PLXNB1: variants seen among roughly 807,000 people sequenced by gnomAD.
The protein encoded by PLXNB1 is plexin B1, also known as plexin-B1.
In PLXNB1, 106 loss-of-function variants were observed where a neutral mutation model predicts 209.4. The observed-to-expected ratio is 0.51, with a 90% CI of 0.43 to 0.59. The LOEUF (loss-of-function observed/expected upper bound fraction) is 0.59, where lower values mean the gene tolerates loss of function less well. Ranked by LOEUF, PLXNB1 falls within the 20% of genes least tolerant of loss-of-function variation. The pLI, the probability that PLXNB1 is intolerant of heterozygous loss-of-function variation, is 0.00. For synonymous variants in PLXNB1, 1,167 were observed against 1,183.2 expected, an observed-to-expected ratio of 0.99 and a Z score of 0.28; for missense variants, 2,357 against 2,853.2, an observed-to-expected ratio of 0.83 and a Z score of 3.96.
chr3:48,409,074 G>A lies in PLXNB1; in HGVS notation c.6087+255C>T, dbSNP rs1223424976. Among the ~76,000 whole-genome samples, 1 of 152,200 alleles carries A rather than the reference G, an allele frequency of 6.6e-6. No homozygotes were observed. The highest frequency in any genetic ancestry group is 1.9e-4 in the East Asian group (1 of 5,198). On this transcript the variant is annotated intron_variant, in intron 34 of 37. Transcript: ENST00000296440. The surrounding 1 kb of genome is among the most constrained non-coding windows in gnomAD (Gnocchi z 5.8). ...CTGGCCCTGGCCTACTGCCACGCCTGGCCAGCATTCTATGCCCCAGCCACA... is the reference window on the plus strand; with the variant it reads ...CTGGCCCTGGCCTACTGCCACGCCTAGCCAGCATTCTATGCCCCAGCCACA...
rs771827169 is a variant in PLXNB1, at chr3:48,424,054, G to T, written c.558C>A (p.Thr186=). 6.3e-7 allele frequency: 1 copy of T among 1,589,122 alleles called. No individual in the cohort carries two copies. The highest frequency in any genetic ancestry group is 1.8e-5 in the Admixed American group (1 of 56,452). The part of the protein sequence containing the change: ...GVGGGIPPIT[T]RALWPPDPQA... Reference sequence around the variant, plus strand: ...GGGGGTCGGGCGGCCACAGGGCCCGGGTTGTGATGGGTGGAATGCCACCCC... The same window carrying T: ...GGGGGTCGGGCGGCCACAGGGCCCGTGTTGTGATGGGTGGAATGCCACCCC... Residue 186 remains threonine, a synonymous_variant, in exon 3 of 38, where the codon ACC becomes ACA. Coordinates refer to ENST00000296440, the MANE Select transcript of PLXNB1 (RefSeq NM_001130082.3).
At position 48,429,641 on chromosome 3, in the gene PLXNB1, G is replaced by C. The variant is rs956530157; in HGVS notation, c.-60+367C>G. 3.3e-5 allele frequency among the ~76,000 whole-genome samples: 5 copies of C among 151,878 alleles called. No individual in the cohort carries two copies. The highest frequency in any genetic ancestry group is 1.2e-4 in the African/African-American group (5 of 41,394). On this transcript the variant is annotated intron_variant, in intron 1 of 37. Transcript: ENST00000296440. This position sits in a 1 kb window ranked among gnomAD's most constrained non-coding sequence, Gnocchi z 6.4. The stretch of plus-strand genomic sequence containing the variant: ...CTGGGGACCCGACCCCTCCCGCACG[G>C]GGGAGGGCGGGGGCGGGCTGCACCG...
rs922450409 is a variant in PLXNB1, at chr3:48,420,699, G to A, written c.1994C>T (p.Ser665Leu). Residue 665 changes from serine (S) to leucine (L), a missense_variant, in exon 10 of 38, where the codon TCG (serine) becomes TTG (leucine). Ser to Leu is a moderately radical substitution (Grantham distance 145). Transcript: ENST00000296440. Reference sequence around the variant, plus strand: ...TGCAACCATGGGCCCAGCATCACACGAGGCCTTGTGGGTGCACAGGTGCTG... The same window carrying A: ...TGCAACCATGGGCCCAGCATCACACAAGGCCTTGTGGGTGCACAGGTGCTG... Reference protein sequence around the residue: ...VWQHLCTHKASCDAGPMVASH... With the variant: ...VWQHLCTHKALCDAGPMVASH... 10 of 1,613,938 alleles carry A rather than the reference G, an allele frequency of 6.2e-6. No homozygotes were observed. Among genetic ancestry groups the A allele is most frequent in the African/African-American group, 1.3e-5 (1 of 75,028 alleles).
chr3:48,411,065 G>T lies in PLXNB1; in HGVS notation c.5248-29C>A, dbSNP rs567287753. The T allele has an allele frequency of 7.5e-5, 119 of 1,591,726 alleles. 2 individuals carry two copies. The South Asian group carries it at 1.2e-3, about 16-fold the overall frequency. On this transcript the variant is annotated intron_variant, in intron 28 of 37. Coordinates refer to ENST00000296440, the MANE Select transcript of PLXNB1 (RefSeq NM_001130082.3). The surrounding 1 kb of genome is among the most constrained non-coding windows in gnomAD (Gnocchi z 4.0). ...TGCAGGACACACAGGAGCCATCAGG[G>T]TTCATGTGCACTCAGGATGACCAAG...
chr3:48,416,206 G>C lies in PLXNB1; in HGVS notation c.3481-39C>G. The C allele has an allele frequency of 1.3e-6, 2 of 1,564,886 alleles. No homozygotes were observed. Among genetic ancestry groups the C allele is most frequent in the South Asian group, 1.1e-5 (1 of 88,464 alleles). On this transcript the variant is annotated intron_variant, in intron 17 of 37. Transcript: ENST00000296440. This position sits in a 1 kb window ranked among gnomAD's most constrained non-coding sequence, Gnocchi z 4.1. ...AGGGAGAGAGATGAGCATCAGACCA[G>C]ACACATGGAGGCAGGGACAGCCTGA...
Position 48,418,189 on chromosome 3 carries a change from A to T in PLXNB1, c.3222+2T>A, listed in dbSNP as rs766257446. 3.1e-6 allele frequency: 5 copies of T among 1,610,278 alleles called. No homozygotes were observed. ...GAAGGGATGGCCAGCCTTTCAACAA[A>T]CCGAGTGGATGAGGGGCGCTGGGCA... On this transcript the variant is annotated splice_donor_variant, in intron 15 of 37. Transcript: ENST00000296440. LOFTEE classifies it high-confidence loss of function. This position sits in a 1 kb window ranked among gnomAD's most constrained non-coding sequence, Gnocchi z 6.6.
At chr3:48,428,072 C>T (rs1400944192) in intron 1 of PLXNB1, among the ~76,000 whole-genome samples, 7 of 152,118 alleles carry the variant, frequency 4.6e-5, no homozygotes, top group African/African-American at 1.4e-4. Flanking sequence ...TTCAGAGGCC[C>T]CAGCAACTTA....
chr3:48,405,671 T>G lies in PLXNB1; in HGVS notation c.6303+53A>C. 4 of 1,417,672 alleles carry G rather than the reference T, an allele frequency of 2.8e-6. No homozygotes were observed. Among genetic ancestry groups the G allele is most frequent in the Non-Finnish European group, 4.0e-6 (4 of 1,008,074 alleles). The allele number at this position is 1,417,672 out of a possible 1,614,324, so 87.8% of individuals were successfully genotyped here. On this transcript the variant is annotated intron_variant, in intron 37 of 37. Transcript: ENST00000296440. The surrounding 1 kb of genome is among the most constrained non-coding windows in gnomAD (Gnocchi z 5.0). ...AGTCACAGGGTCAGAGCCCCTTAAGTCTCCTGGGAGGCCTTGGGTCAGCCT... is the reference window on the plus strand; with the variant it reads ...AGTCACAGGGTCAGAGCCCCTTAAGGCTCCTGGGAGGCCTTGGGTCAGCCT...
chr3:48,409,750 A>C lies in PLXNB1; in HGVS notation c.5779-19T>G, dbSNP rs377505231. 3 of 1,611,250 alleles carry C rather than the reference A, an allele frequency of 1.9e-6. No individual in the cohort carries two copies. Among genetic ancestry groups the C allele is most frequent in the Non-Finnish European group, 1.7e-6 (2 of 1,178,786 alleles). The stretch of plus-strand genomic sequence containing the variant: ...GGGTGCCCTGTGGGAAGGAAGAAGC[A>C]GAGAGGTGTGGTCAGCAAAGGGCCC... On this transcript the variant is annotated intron_variant, in intron 32 of 37. Transcript: ENST00000296440. This position sits in a 1 kb window ranked among gnomAD's most constrained non-coding sequence, Gnocchi z 5.8.
At position 48,410,317 on chromosome 3, in the gene PLXNB1, G is replaced by A; in HGVS notation, c.5584C>T (p.Gln1862Ter). The A allele has an allele frequency of 6.2e-7, 1 of 1,612,364 alleles. No individual in the cohort carries two copies. The highest frequency in any genetic ancestry group is 2.2e-5 in the East Asian group (1 of 44,850). The change falls in exon 31 of 38, where the codon CAG (glutamine) becomes TAG (stop). Residue 1862 changes from glutamine to a stop codon, truncating the protein, a stop_gained. Coordinates refer to ENST00000296440, the MANE Select transcript of PLXNB1 (RefSeq NM_001130082.3). LOFTEE classifies it high-confidence loss of function. This position sits in a 1 kb window ranked among gnomAD's most constrained non-coding sequence, Gnocchi z 6.4. ...CLTKHVLREN[Q>*]DYVPGERTPM... is the part of the protein sequence containing the mutation. Reference sequence around the variant, plus strand: ...TCACGCTCTCCAGGGACATAATCCTGGTTTTCCCGGAGCACATGCTTGGTG... The same window carrying A: ...TCACGCTCTCCAGGGACATAATCCTAGTTTTCCCGGAGCACATGCTTGGTG...
chr3:48,420,076 C>T lies in PLXNB1; in HGVS notation c.2210G>A (p.Gly737Glu). 6.2e-7 allele frequency: 1 copy of T among 1,613,520 alleles called. No homozygotes were observed. The highest frequency in any genetic ancestry group is 8.5e-7 in the Non-Finnish European group (1 of 1,179,900). ...GASPSLLSPWGPWAGSGSISS... is the reference protein window; with the variant it reads ...GASPSLLSPWEPWAGSGSISS... The stretch of plus-strand genomic sequence containing the variant: ...TATGGAGCCAGAACCTGCCCATGGC[C>T]CCCAGGGGCTGAGCAGGGAAGGACT... Residue 737 changes from glycine to glutamate, a missense_variant, in exon 11 of 38, where the codon GGG becomes GAG. Transcript: ENST00000296440.
chr3:48,429,709 A>C lies in PLXNB1; in HGVS notation c.-60+299T>G, dbSNP rs1341318039. 6.6e-6 allele frequency among the ~76,000 whole-genome samples: 1 copy of C among 151,568 alleles called. No individual in the cohort carries two copies. The highest frequency in any genetic ancestry group is 2.0e-4 in the East Asian group (1 of 5,096). On this transcript the variant is annotated intron_variant, in intron 1 of 37. Transcript: ENST00000296440. The surrounding 1 kb of genome is among the most constrained non-coding windows in gnomAD (Gnocchi z 6.4). ...ACGCGGGTCGCCCGGAGGGGTGAGG[A>C]GTGAACCCCGGGAGCCAGAGCCGCC...
Position 48,422,207 on chromosome 3 carries a change from T to G in PLXNB1, c.1420-2A>C. The G allele has an allele frequency of 6.2e-7, 1 of 1,613,840 alleles. No individual in the cohort carries two copies. The highest frequency in any genetic ancestry group is 8.5e-7 in the Non-Finnish European group (1 of 1,179,790). On this transcript the variant is annotated splice_acceptor_variant, in intron 5 of 37. Coordinates refer to ENST00000296440, the MANE Select transcript of PLXNB1 (RefSeq NM_001130082.3). LOFTEE classifies it high-confidence loss of function. ...GGAAGCCACAGGAACCTTCAGAAGC[T>G]GAGACAGCAAAGAGGACCTGAGGCC...
rs1031305617 is a variant in PLXNB1, at chr3:48,417,671, G to C, written c.3374+240C>G. ...AGCAGAGCAGGAAGCAGAGCCACGA[G>C]TCAGTTCTGGGCAGTGACGGGCCCA... On this transcript the variant is annotated intron_variant, in intron 16 of 37. Transcript: ENST00000296440. The surrounding 1 kb of genome is among the most constrained non-coding windows in gnomAD (Gnocchi z 4.4). 8.5e-5 allele frequency among the ~76,000 whole-genome samples: 13 copies of C among 152,182 alleles called. No homozygotes were observed. The highest frequency in any genetic ancestry group is 2.9e-4 in the African/African-American group (12 of 41,444).
rs1441138333 is a variant in PLXNB1 at position 48,415,779 on chromosome 3, T to C, written c.3618-20A>G. 2.6e-6 allele frequency: 4 copies of C among 1,538,456 alleles called. No homozygotes were observed. The Admixed American group carries it at 7.9e-5, about 30-fold the overall frequency. On this transcript the variant is annotated intron_variant, in intron 18 of 37. Coordinates refer to ENST00000296440, the MANE Select transcript of PLXNB1 (RefSeq NM_001130082.3). The surrounding 1 kb of genome is among the most constrained non-coding windows in gnomAD (Gnocchi z 5.0). ...GGCAGCCTGGGAGGGGAGGTGGGAA[T>C]GAATGCAGGGGCGCAGGCAGGGAAA...
In PLXNB1 at chr3:48,405,598, C is replaced by T. The variant is rs915743355; in HGVS notation, c.6303+126G>A. ...ACACTTCTCAAGCCACCAAGGGGCC[C>T]GGCCCCCCACTACTCTGTCCCTGGG... is the stretch of plus-strand genomic sequence containing the variant. On this transcript the variant is annotated intron_variant, in intron 37 of 37. Transcript: ENST00000296440. The surrounding 1 kb of genome is among the most constrained non-coding windows in gnomAD (Gnocchi z 5.0). 10 of 710,396 alleles carry T rather than the reference C, an allele frequency of 1.4e-5. No homozygotes were observed. The highest frequency in any genetic ancestry group is 1.9e-5 in the Non-Finnish European group (8 of 425,130). 44.0% of individuals were successfully genotyped at this position (710,396 alleles called of 1,614,324 possible).
chr3:48,405,649 C>A lies in PLXNB1; in HGVS notation c.6303+75G>T. ...GAAGACCAAAGCCCCCAACGTGAGT[C>A]ACAGGGTCAGAGCCCCTTAAGTCTC... On this transcript the variant is annotated intron_variant, in intron 37 of 37. Coordinates refer to ENST00000296440, the MANE Select transcript of PLXNB1 (RefSeq NM_001130082.3). This position sits in a 1 kb window ranked among gnomAD's most constrained non-coding sequence, Gnocchi z 5.0. The A allele has an allele frequency of 8.4e-7, 1 of 1,190,566 alleles. No homozygotes were observed. The highest frequency in any genetic ancestry group is 1.3e-5 in the South Asian group (1 of 79,110). The allele number at this position is 1,190,566 out of a possible 1,614,324, so 73.8% of individuals were successfully genotyped here.
Position 48,415,292 on chromosome 3 carries a change from T to C in PLXNB1, c.3850A>G (p.Arg1284Gly), listed in dbSNP as rs776770702. ...GQNLDVVQTP[R>G]IRVTVVSRML... ...CTCGAGACCACGGTCACCCGGATTCTTGGCGTCTGTACCACGTCCAGATTC... is the reference window on the plus strand; with the variant it reads ...CTCGAGACCACGGTCACCCGGATTCCTGGCGTCTGTACCACGTCCAGATTC... Residue 1284 changes from arginine to glycine, a missense_variant, in exon 20 of 38, where the codon AGA becomes GGA. Transcript: ENST00000296440. The surrounding 1 kb of genome is among the most constrained non-coding windows in gnomAD (Gnocchi z 5.0). 9.5e-5 allele frequency: 154 copies of C among 1,613,482 alleles called. No individual in the cohort carries two copies. Among genetic ancestry groups the C allele is most frequent in the Non-Finnish European group, 1.3e-4 (151 of 1,180,014 alleles).
rs527297539 is a variant in PLXNB1 at position 48,409,225 on chromosome 3, C to T, written c.6087+104G>A. ...CTTGGCTTGGGAGGTCAGAGGTCTC[C>T]CCTAAGCCCTCCTTGAAGTTCTCAG... On this transcript the variant is annotated intron_variant, in intron 34 of 37. Coordinates refer to ENST00000296440, the MANE Select transcript of PLXNB1 (RefSeq NM_001130082.3). This position sits in a 1 kb window ranked among gnomAD's most constrained non-coding sequence, Gnocchi z 5.8. The T allele has an allele frequency of 6.4e-5, 89 of 1,384,118 alleles. No homozygotes were observed. The African/African-American group carries it at 1.1e-3, about 17-fold the overall frequency. 85.7% of individuals were successfully genotyped at this position (1,384,118 alleles called of 1,614,324 possible).
Sources: gnomAD v4.1 joint callset for allele counts (sites outside exome capture counted in the v4.1 genomes callset) on GRCh38, gnomAD v4.1.1 for gene constraint, Gnocchi (gnomAD v3.1) non-coding constraint, MANE v1.5 for transcripts, NCBI Gene and HGNC (gene_info 2026-07-23, HGNC 2026-07-21) for gene names.